The following MAPK10 variants were observed in gnomAD, a reference collection of about 807,000 sequenced individuals.
MAPK10 encodes JNK3 alpha protein kinase.
A neutral mutation model predicts 59.3 loss-of-function variants in MAPK10; 25 were observed. That is an observed-to-expected ratio of 0.42 (90% CI 0.31 to 0.59). The LOEUF (loss-of-function observed/expected upper bound fraction) is 0.59, where lower values mean the gene tolerates loss of function less well. Ranked by LOEUF, MAPK10 falls within the 20% of genes least tolerant of loss-of-function variation. The pLI is 0.15. For missense variants in MAPK10, 351 were observed against 568.9 expected (o/e 0.62, Z 3.90); for synonymous variants, 190 against 200.5 (o/e 0.95, Z 0.44).
At chr4:86,369,685 G>A (rs549346131) in intron 1 of MAPK10, among the ~76,000 whole-genome samples, 39 of 152,174 alleles carry the variant, frequency 2.6e-4, no homozygotes, top group Non-Finnish European at 4.9e-4. Context: ...AAGGAAACAG[G>A]AAAATAAAAA....
chr4:86,240,143 T>C (rs1012229140), intron 2 of MAPK10, among the ~76,000 whole-genome samples: 1 of 152,238 alleles, frequency 6.6e-6, no homozygotes, highest in African/African-American at 2.4e-5. Context: ...TAAATTTCCA[T>C]GAAATTGTGT....
chr4:86,147,074 CT>C (rs1423488496), intron 4 of MAPK10, among the ~76,000 whole-genome samples: 2 of 151,786 alleles, frequency 1.3e-5, no homozygotes, highest in African/African-American at 2.4e-5. Context: ...ATATATTTTT[CT>C]TTTTTTCTTC....
intron 1 of MAPK10, among the ~76,000 whole-genome samples, chr4:86,376,478 C>T (rs1257655868): frequency 6.6e-6 from 1 of 152,142 alleles, no homozygotes; most frequent in Non-Finnish European, 1.5e-5. Flanking sequence ...CTGTGAATTA[C>T]AGATGGTTCA....
intron 1 of MAPK10, among the ~76,000 whole-genome samples, chr4:86,395,626 C>A (rs1742804227): frequency 6.6e-6 from 1 of 152,116 alleles, no homozygotes; most frequent in African/African-American, 2.4e-5. Context: ...CTTGGTCAGC[C>A]TGGGCTGCTA....
chr4:86,172,103 G>C (rs973962551), intron 3 of MAPK10, among the ~76,000 whole-genome samples: 3 of 135,458 alleles, frequency 2.2e-5, no homozygotes, highest in African/African-American at 7.1e-5. Context: ...TGCAGAAATA[G>C]GAACACTTTT....
At chr4:86,591,244 G>T (rs563790861) in intron 1 of MAPK10, among the ~76,000 whole-genome samples, 197 of 152,208 alleles carry the variant, frequency 1.3e-3, no homozygotes, top group African/African-American at 4.7e-3. Flanking sequence ...ATTTATTTTA[G>T]TGTTTATTTT....
intron 1 of MAPK10, among the ~76,000 whole-genome samples, chr4:86,418,985 G>A (rs765227974): frequency 6.6e-6 from 1 of 152,104 alleles, no homozygotes. Context: ...ACGGTATAAT[G>A]AACCTTGGGG....
intron 1 of MAPK10, among the ~76,000 whole-genome samples, chr4:86,381,568 G>A (rs907432868): frequency 6.6e-6 from 1 of 152,120 alleles, no homozygotes; most frequent in Non-Finnish European, 1.5e-5. Flanking sequence ...TGGAAGGCAG[G>A]AGAAAGGAAG....
At chr4:86,503,039 A>C (rs1252583295) in intron 1 of MAPK10, among the ~76,000 whole-genome samples, 1 of 152,102 alleles carries the variant, frequency 6.6e-6, no homozygotes, top group Non-Finnish European at 1.5e-5. Context: ...GGGACTGCTG[A>C]AAGAGGATGG....
chr4:86,463,880 AGAG>A (rs1200085356), intron 1 of MAPK10, among the ~76,000 whole-genome samples: 1 of 152,194 alleles, frequency 6.6e-6, no homozygotes, highest in African/African-American at 2.4e-5. Context: ...GAATAGATCC[AGAG>A]AAGACTCTAG....
chr4:86,225,846 C>T (rs535618040), intron 2 of MAPK10, among the ~76,000 whole-genome samples: 29 of 152,092 alleles, frequency 1.9e-4, no homozygotes, highest in Non-Finnish European at 3.1e-4. Context: ...ACTCTCTCTC[C>T]AATACATTCT....
intron 9 of MAPK10, among the ~76,000 whole-genome samples, chr4:86,094,884 C>A (rs561852160): frequency 2.0e-5 from 3 of 151,402 alleles, no homozygotes; most frequent in Non-Finnish European, 4.4e-5. Flanking sequence ...AGTCAGCATG[C>A]GTTTAAGAAT....
At chr4:86,087,459 A>T (rs2052132473) in intron 9 of MAPK10, among the ~76,000 whole-genome samples, 1 of 152,110 alleles carries the variant, frequency 6.6e-6, no homozygotes, top group Admixed American at 6.6e-5. Context: ...ATCCCTCCTG[A>T]TTTTTAAGAA....
At chr4:86,395,249 T>C (rs1183082443) in intron 1 of MAPK10, among the ~76,000 whole-genome samples, 1 of 152,212 alleles carries the variant, frequency 6.6e-6, no homozygotes, top group African/African-American at 2.4e-5. Flanking sequence ...TATTTATTGG[T>C]TACTATTTAG....
intron 1 of MAPK10, among the ~76,000 whole-genome samples, chr4:86,379,395 T>C (rs571197149): frequency 6.6e-6 from 1 of 152,316 alleles, no homozygotes; most frequent in African/African-American, 2.4e-5. Context: ...TTCCTTTTTG[T>C]TACTGAACTT....
chr4:86,474,712 G>A (rs764446163), intron 1 of MAPK10, among the ~76,000 whole-genome samples: 1 of 152,170 alleles, frequency 6.6e-6, no homozygotes, highest in Non-Finnish European at 1.5e-5. Flanking sequence ...AATATAAAGT[G>A]AGCATTCCAG....
At chr4:86,119,613 TAGG>T (rs938837551) in intron 4 of MAPK10, 2 of 134,820 alleles carry the variant, frequency 1.5e-5, no homozygotes, top group African/African-American at 2.8e-5. Flanking sequence ...AAGCCAATAA[TAGG>T]AGAACTCTAT....
chr4:86,527,700 C>T (rs1037186151), intron 1 of MAPK10, among the ~76,000 whole-genome samples: 2 of 152,204 alleles, frequency 1.3e-5, no homozygotes, highest in African/African-American at 4.8e-5. Context: ...ACCAAAAAGA[C>T]ACATGCACTT....
chr4:86,348,932 C>A (rs770524666), intron 2 of MAPK10, among the ~76,000 whole-genome samples: 12 of 152,168 alleles, frequency 7.9e-5, no homozygotes, highest in Non-Finnish European at 1.6e-4. Flanking sequence ...GATATGTTTT[C>A]TATATCTTCA....
Sources: gnomAD v4.1 joint callset for allele counts (sites outside exome capture counted in the v4.1 genomes callset) on GRCh38, gnomAD v4.1.1 for gene constraint, MANE v1.5 for transcripts, NCBI Gene and HGNC (gene_info 2026-07-23, HGNC 2026-07-21) for gene names.